The following SLC2A9 variants were observed in gnomAD, a reference collection of about 807,000 sequenced individuals.
SLC2A9 encodes solute carrier family 2, facilitated glucose transporter member 9.
Under a neutral mutation model 50.6 loss-of-function variants are expected in SLC2A9, and 39 were observed. That is an observed-to-expected ratio of 0.77 (90% CI 0.60 to 1.01). The LOEUF is 1.01. Among genes scored for constraint, SLC2A9 ranks in the 50% least tolerant of loss-of-function variants. SLC2A9 has a pLI of 0.00. For missense variants in SLC2A9, 686 were observed against 677.6 expected, an observed-to-expected ratio of 1.01 and a Z score of -0.14; for synonymous variants, 324 against 276.9, an observed-to-expected ratio of 1.17 and a Z score of -1.69.
At chr4:9,772,835 T>TA (rs1286569670) in intron 1 of SLC2A9, among the ~76,000 whole-genome samples, 1 of 151,564 alleles carries the variant, frequency 6.6e-6, no homozygotes, top group Non-Finnish European at 1.5e-5. Context: ...ATTTTTTTTT[T>TA]ATTATACTCT....
intron 2 of SLC2A9, among the ~76,000 whole-genome samples, chr4:10,011,763 A>G (rs1761799999): frequency 1.3e-5 from 2 of 152,238 alleles, no homozygotes; most frequent in Non-Finnish European, 2.9e-5. Flanking sequence ...AGCCTAGACA[A>G]TCAGCAATAC....
At chr4:9,777,827 A>G (rs1717767697), downstream of SLC2A9, among the ~76,000 whole-genome samples, 1 of 152,186 alleles carries the variant, frequency 6.6e-6, no homozygotes, top group Non-Finnish European at 1.5e-5. Context: ...CTCTCCTGGA[A>G]CACAGGACAC....
Position 9,829,937 on chromosome 4 carries a change from T to C in SLC2A9, c.1420-3337A>G, listed in dbSNP as rs1017956680. 2.0e-5 allele frequency among the ~76,000 whole-genome samples: 3 copies of C among 152,290 alleles called. No individual in the cohort carries two copies. The South Asian group carries it at 6.2e-4, about 32-fold the overall frequency. Reference sequence around the variant, plus strand: ...GTGGGAGTTTAAATTAGTTCAATCATTGTGAAAAACAGCATGGTGATTCCT... The same window carrying C: ...GTGGGAGTTTAAATTAGTTCAATCACTGTGAAAAACAGCATGGTGATTCCT... On this transcript the variant is annotated intron_variant, in intron 11 of 11. Coordinates refer to ENST00000264784, the MANE Select transcript of SLC2A9 (RefSeq NM_020041.3).
At chr4:9,784,350 C>T (rs1018183511) in intron 3 of SLC2A9, among the ~76,000 whole-genome samples, 5 of 152,076 alleles carry the variant, frequency 3.3e-5, no homozygotes, top group African/African-American at 4.8e-5. Flanking sequence ...TAGACAGATG[C>T]GATCAGTTCA....
intron 10 of SLC2A9, among the ~76,000 whole-genome samples, chr4:9,835,441 C>A (rs1231103474): frequency 3.3e-5 from 3 of 90,140 alleles, no homozygotes; most frequent in African/African-American, 8.5e-5. Context: ...CAGCTGGAGT[C>A]ACCACTCTGC....
rs1362602298 is a variant in SLC2A9 at position 10,021,262 on chromosome 4, A to G, written c.150+18T>C. On this transcript the variant is annotated intron_variant, in intron 1 of 11. Coordinates refer to ENST00000264784, the MANE Select transcript of SLC2A9 (RefSeq NM_020041.3). ...CCCCACAGCCCGCCAGCCATGCAGA[A>G]AAGCTGTCCGTAGTTACCTTTCTTC... 6.2e-7 allele frequency: 1 copy of G among 1,612,614 alleles called. No homozygotes were observed. Among genetic ancestry groups the G allele is most frequent in the Non-Finnish European group, 8.5e-7 (1 of 1,179,802 alleles).
chr4:9,771,546 T>C (rs867914956), intron 1 of SLC2A9, among the ~76,000 whole-genome samples: 5 of 152,200 alleles, frequency 3.3e-5, no homozygotes, highest in African/African-American at 1.2e-4. Context: ...CTCATCACTA[T>C]TGTCATGATA....
chr4:9,798,419 A>C (rs2280208), downstream of SLC2A9, among the ~76,000 whole-genome samples: 142,005 of 152,280 alleles, frequency 0.93, 66,381 homozygotes, highest in Middle Eastern at 0.96. Context: ...GCCAGAGAAG[A>C]CTGATTGTCT....
intron 2 of SLC2A9, among the ~76,000 whole-genome samples, chr4:10,003,230 C>G (rs1760162827): frequency 6.6e-6 from 1 of 152,210 alleles, no homozygotes; most frequent in Non-Finnish European, 1.5e-5. Flanking sequence ...GCAATTGCAG[C>G]TGTCTTGCAA....
chr4:9,882,674 A>G (rs1577682029), intron 10 of SLC2A9, among the ~76,000 whole-genome samples: 2 of 147,592 alleles, frequency 1.4e-5, no homozygotes, highest in South Asian at 4.3e-4. Flanking sequence ...GCGTCACTGC[A>G]CTCCAGCCTG....
chr4:9,993,897 G>A (rs186301672), intron 3 of SLC2A9, among the ~76,000 whole-genome samples: 78 of 152,182 alleles, frequency 5.1e-4, no homozygotes, highest in African/African-American at 1.8e-3. Context: ...AATCACAAAC[G>A]AGCTCAACAT....
chr4:9,895,312 G>A (rs1192386759), intron 8 of SLC2A9, among the ~76,000 whole-genome samples: 1 of 152,168 alleles, frequency 6.6e-6, no homozygotes, highest in Non-Finnish European at 1.5e-5. Flanking sequence ...GAGAAAGAAG[G>A]GATAAAAACA....
intron 10 of SLC2A9, among the ~76,000 whole-genome samples, chr4:9,876,843 C>A (rs982324842): frequency 6.6e-6 from 1 of 152,084 alleles, no homozygotes; most frequent in Non-Finnish European, 1.5e-5. Context: ...ACCTTCTGTA[C>A]GAATTCATTT....
chr4:9,875,031 C>T (rs373118794), intron 10 of SLC2A9, among the ~76,000 whole-genome samples: 365 of 132,436 alleles, frequency 2.8e-3, no homozygotes, highest in African/African-American at 4.4e-3. Flanking sequence ...TTAGAAATGG[C>T]CATAGGTTAG....
At chr4:9,964,296 T>G (rs986378471) in intron 5 of SLC2A9, among the ~76,000 whole-genome samples, 3 of 152,164 alleles carry the variant, frequency 2.0e-5, no homozygotes, top group Admixed American at 2.0e-4. Flanking sequence ...TGGTGCCAGT[T>G]CTGCTGGTCC....
intron 6 of SLC2A9, among the ~76,000 whole-genome samples, chr4:9,933,864 C>T (rs1746582823): frequency 6.6e-6 from 1 of 152,210 alleles, no homozygotes; most frequent in African/African-American, 2.4e-5. Flanking sequence ...ATTCCTCCAT[C>T]TTCAATGCCA....
chr4:9,812,309 C>G (rs867251638), intron 3 of SLC2A9, among the ~76,000 whole-genome samples: 37 of 152,120 alleles, frequency 2.4e-4, no homozygotes, highest in African/African-American at 8.9e-4. Context: ...GGAGATTTAG[C>G]CGGAAATGAC....
intron 8 of SLC2A9, among the ~76,000 whole-genome samples, chr4:9,907,476 T>C (rs972817513): frequency 1.3e-5 from 2 of 152,244 alleles, no homozygotes; most frequent in African/African-American, 4.8e-5. Flanking sequence ...ATGCCTTCTT[T>C]TGAACATATT....
intron 6 of SLC2A9, among the ~76,000 whole-genome samples, chr4:9,938,321 G>C (rs1747482982): frequency 6.8e-6 from 1 of 147,416 alleles, no homozygotes; most frequent in South Asian, 2.1e-4. Flanking sequence ...GCCCAGGCTG[G>C]AGTGCAGTGG....
Sources: gnomAD v4.1 joint callset for allele counts (sites outside exome capture counted in the v4.1 genomes callset) on GRCh38, gnomAD v4.1.1 for gene constraint, MANE v1.5 for transcripts, NCBI Gene and HGNC (gene_info 2026-07-23, HGNC 2026-07-21) for gene names.